EVI5: variants seen among roughly 807,000 people sequenced by gnomAD.
The protein encoded by EVI5 is ecotropic viral integration site 5 protein homolog.
In EVI5, 73 loss-of-function variants were observed where a neutral mutation model predicts 112.0. That is an observed-to-expected ratio of 0.65 (90% CI 0.54 to 0.79). The LOEUF (loss-of-function observed/expected upper bound fraction) is 0.79, where lower values mean the gene tolerates loss of function less well. EVI5 is among the 30% of genes least tolerant of loss of function. The probability of loss-of-function intolerance (pLI) is 0.00; values close to 1 mark genes in which losing one functional copy is unlikely to be tolerated. For missense variants in EVI5, 900 were observed against 968.8 expected (o/e 0.93, Z 0.94); for synonymous variants, 305 against 319.9 (o/e 0.95, Z 0.50).
intron 19 of EVI5, among the ~76,000 whole-genome samples, chr1:92,556,000 C>T (rs1667625304): frequency 6.6e-6 from 1 of 151,530 alleles, no homozygotes. Context: ...AGTTTTAATC[C>T]CTAGATGAAG....
chr1:92,526,167 T>C (rs938961089), intron 19 of EVI5, among the ~76,000 whole-genome samples: 18 of 152,226 alleles, frequency 1.2e-4, no homozygotes, highest in Admixed American at 3.9e-4. Context: ...CAAGTGAGCC[T>C]TCTGCCTCAG....
At chr1:92,624,557 T>TAA (rs1384876207) in intron 15 of EVI5, among the ~76,000 whole-genome samples, 2 of 151,856 alleles carry the variant, frequency 1.3e-5, no homozygotes, top group Non-Finnish European at 2.9e-5. Context: ...ATAGAATTTA[T>TAA]TGGCCAGGCG....
intron 19 of EVI5, among the ~76,000 whole-genome samples, chr1:92,530,958 G>A (rs1662769647): frequency 6.6e-6 from 1 of 151,966 alleles, no homozygotes; most frequent in African/African-American, 2.4e-5. Flanking sequence ...ACAGAAGTAG[G>A]CTTCAGAAAG....
At chr1:92,565,882 A>C (rs552500589) in intron 18 of EVI5, among the ~76,000 whole-genome samples, 1 of 137,108 alleles carries the variant, frequency 7.3e-6, no homozygotes, top group Admixed American at 8.4e-5. Context: ...AGGCAGGAGA[A>C]TCGCTTGAAC....
chr1:92,739,465 G>A (rs1203581316), intron 1 of EVI5, among the ~76,000 whole-genome samples: 1 of 152,050 alleles, frequency 6.6e-6, no homozygotes, highest in East Asian at 1.9e-4. Context: ...GACTACTAAT[G>A]GGTACAGGAT....
At chr1:92,789,103 G>A (rs1008252555), upstream of EVI5, among the ~76,000 whole-genome samples, 3 of 152,060 alleles carry the variant, frequency 2.0e-5, no homozygotes, top group African/African-American at 7.2e-5. Flanking sequence ...AGGCCCTGTA[G>A]CACTTCTCTG....
intron 13 of EVI5, among the ~76,000 whole-genome samples, chr1:92,659,592 A>T (rs1663622204): frequency 1.3e-5 from 2 of 152,036 alleles, no homozygotes; most frequent in South Asian, 2.1e-4. Flanking sequence ...AAAATAACAG[A>T]TATTGGTGAG....
At chr1:92,714,265 T>C (rs1673284334) in intron 2 of EVI5, 2 of 336,362 alleles carry the variant, frequency 5.9e-6, no homozygotes, top group Non-Finnish European at 8.4e-6. Context: ...TATTTTCATG[T>C]TTCTTAAATT....
upstream of EVI5, among the ~76,000 whole-genome samples, chr1:92,785,595 T>C (rs1265007902): frequency 1.3e-5 from 2 of 152,230 alleles, no homozygotes; most frequent in African/African-American, 4.8e-5. Context: ...ATTGGGTTTA[T>C]GCAGACTACT....
chr1:92,577,571 C>A (rs2101050186), intron 18 of EVI5, among the ~76,000 whole-genome samples: 1 of 152,336 alleles, frequency 6.6e-6, no homozygotes, highest in South Asian at 2.1e-4. Context: ...CTGTTGGGAT[C>A]ACTTTAAATA....
At position 92,625,940 on chromosome 1, in the gene EVI5, G is replaced by A; in HGVS notation, c.1528-6C>T. Reference sequence around the variant, plus strand: ...TCAGGAAGGGAGTTATTCCTCTAAAGAAGAAGAAAATTTAATTTGGGATTT... The same window carrying A: ...TCAGGAAGGGAGTTATTCCTCTAAAAAAGAAGAAAATTTAATTTGGGATTT... On this transcript the variant is annotated splice_region_variant and splice_polypyrimidine_tract_variant and intron_variant, in intron 14 of 19. Coordinates refer to ENST00000684568, the MANE Select transcript of EVI5 (RefSeq NM_001350197.2). 6.3e-7 allele frequency: 1 copy of A among 1,576,930 alleles called. No homozygotes were observed. Among genetic ancestry groups the A allele is most frequent in the East Asian group, 2.2e-5 (1 of 44,546 alleles).
At chr1:92,670,100 C>T (rs1665609052) in intron 10 of EVI5, among the ~76,000 whole-genome samples, 1 of 152,114 alleles carries the variant, frequency 6.6e-6, no homozygotes, top group Non-Finnish European at 1.5e-5. Context: ...ACGTATTATA[C>T]ATCAAAAGTC....
At chr1:92,645,999 T>G (rs949050770) in intron 13 of EVI5, among the ~76,000 whole-genome samples, 2 of 152,170 alleles carry the variant, frequency 1.3e-5, no homozygotes, top group Admixed American at 6.5e-5. Flanking sequence ...AGGCTCCCCC[T>G]GCAAACCAGA....
At chr1:92,736,266 A>G in intron 2 of EVI5, 132 bp downstream of exon 2, 1 of 622,792 alleles carries the variant, frequency 1.6e-6, no homozygotes, top group South Asian at 2.2e-5. Flanking sequence ...CCCCCCAAAA[A>G]AGATGAACAC....
intron 18 of EVI5, 72 bp downstream of exon 18, chr1:92,605,235 A>T: frequency 1.0e-6 from 1 of 981,552 alleles, no homozygotes; most frequent in South Asian, 1.4e-5. Flanking sequence ...GATAAAGAGT[A>T]AGTTACTGTT....
At chr1:92,740,402 T>C (rs1230377065) in intron 1 of EVI5, among the ~76,000 whole-genome samples, 1 of 152,158 alleles carries the variant, frequency 6.6e-6, no homozygotes, top group Non-Finnish European at 1.5e-5. Context: ...CTGCTGTTTA[T>C]CCCCACCCCT....
chr1:92,513,836 C>T lies in EVI5; in HGVS notation c.2301G>A (p.Gln767=), dbSNP rs1244890626. 3.1e-6 allele frequency: 5 copies of T among 1,613,698 alleles called. No individual in the cohort carries two copies. Among genetic ancestry groups the T allele is most frequent in the East Asian group, 2.2e-5 (1 of 44,864 alleles). Residue 767 remains glutamine (Q), a synonymous_variant, in exon 20 of 20, where the codon CAG becomes CAA. Transcript: ENST00000684568. ...SDEDFIDNSL[Q]ETGVGFPLHG... Reference sequence around the variant, plus strand: ...GCAAAGGAAAACCAACACCAGTTTCCTGTAAGGAATTATCTATAAAATCTT... The same window carrying T: ...GCAAAGGAAAACCAACACCAGTTTCTTGTAAGGAATTATCTATAAAATCTT...
rs575556335 is a variant in EVI5 at position 92,719,800 on chromosome 1, A to G, written c.150-15056T>C. On this transcript the variant is annotated intron_variant, in intron 2 of 19. Coordinates refer to ENST00000684568, the MANE Select transcript of EVI5 (RefSeq NM_001350197.2). ...CGTGATTGTATATTTGTAAAACCCC[A>G]TTGTCTCAGCCCAAAATCTCCTTAA... Among the ~76,000 whole-genome samples the G allele has an allele frequency of 5.6e-4, 85 of 152,188 alleles. 1 individual carries two copies. In the South Asian group the frequency reaches 0.017, roughly 31 times the overall value.
chr1:92,747,239 G>A (rs1679400164), intron 1 of EVI5, among the ~76,000 whole-genome samples: 1 of 152,034 alleles, frequency 6.6e-6, no homozygotes, highest in Non-Finnish European at 1.5e-5. Context: ...AAGTATACAG[G>A]AAGATGTGTG....
Sources: gnomAD v4.1 joint callset for allele counts (sites outside exome capture counted in the v4.1 genomes callset) on GRCh38, gnomAD v4.1.1 for gene constraint, MANE v1.5 for transcripts, NCBI Gene and HGNC (gene_info 2026-07-23, HGNC 2026-07-21) for gene names.